Variants in SPTLC2 observed in about 807,000 individuals in gnomAD.
The protein encoded by SPTLC2 is serine palmitoyltransferase long chain base subunit 2.
In SPTLC2, 21 loss-of-function variants were observed where a neutral mutation model predicts 62.0. That is an observed-to-expected ratio of 0.34 (90% CI 0.24 to 0.49). The LOEUF (loss-of-function observed/expected upper bound fraction) is 0.49. SPTLC2 is among the 20% of genes least tolerant of loss of function. The pLI is 0.99. For missense variants in SPTLC2, 511 were observed against 713.0 expected, an observed-to-expected ratio of 0.72 and a Z score of 3.23; for synonymous variants, 261 against 261.8, an observed-to-expected ratio of 1.00 and a Z score of 0.03.
chr14:77,543,488 A>C (rs1307575271), intron 9 of SPTLC2, among the ~76,000 whole-genome samples: 1 of 152,202 alleles, frequency 6.6e-6, no homozygotes, highest in East Asian at 1.9e-4. Flanking sequence ...TTAAGTTAAC[A>C]GTTTTAGAGG....
At chr14:77,568,468 T>C (rs1350592866) in intron 5 of SPTLC2, among the ~76,000 whole-genome samples, 1 of 152,208 alleles carries the variant, frequency 6.6e-6, no homozygotes, top group Non-Finnish European at 1.5e-5. Flanking sequence ...TTTCCAAACA[T>C]TCTATATCAT....
chr14:77,587,696 G>A (rs955612907), intron 2 of SPTLC2, among the ~76,000 whole-genome samples: 5 of 151,780 alleles, frequency 3.3e-5, no homozygotes, highest in Admixed American at 6.6e-5. Context: ...GGTGGAGGTT[G>A]CAGTGAACCG....
intron 4 of SPTLC2, among the ~76,000 whole-genome samples, chr14:77,572,202 G>C (rs1447534319): frequency 6.6e-6 from 1 of 152,200 alleles, no homozygotes; most frequent in Non-Finnish European, 1.5e-5. Flanking sequence ...GTCATTTCTG[G>C]AGTGCCAGTT....
chr14:77,568,792 A>G (rs796097986), intron 5 of SPTLC2, among the ~76,000 whole-genome samples: 2 of 140,434 alleles, frequency 1.4e-5, no homozygotes, highest in East Asian at 4.5e-4. Flanking sequence ...TGGGCAAGAG[A>G]GCGAGACTCT....
chr14:77,552,203 C>T lies in SPTLC2; in HGVS notation c.1196G>A (p.Arg399Gln), dbSNP rs143757018. 41 of 1,613,978 alleles carry T rather than the reference C, an allele frequency of 2.5e-5. No individual in the cohort carries two copies. Among genetic ancestry groups the T allele is most frequent in the Admixed American group, 2.3e-4 (14 of 59,996 alleles). ...GGKKELIDYLRTHSHSAVYAT... is the reference protein window; with the variant it reads ...GGKKELIDYLQTHSHSAVYAT... ...ATACACTGCACTATGAGAATGTGTT[C>T]GCAGGTAGTCTATCAGCTCCTGGGG... Residue 399 changes from arginine (R) to glutamine (Q), a missense_variant, in exon 9 of 12, where the codon CGA becomes CAA. Coordinates refer to ENST00000216484, the MANE Select transcript of SPTLC2 (RefSeq NM_004863.4).
At position 77,564,840 on chromosome 14, in the gene SPTLC2, C is replaced by T. The variant is rs1453723483; in HGVS notation, c.757-2351G>A. On this transcript the variant is annotated intron_variant, in intron 5 of 11. Coordinates refer to ENST00000216484, the MANE Select transcript of SPTLC2 (RefSeq NM_004863.4). Reference sequence around the variant, plus strand: ...CCAAATAATAAAAATATTCACAAACCCACAACGACAGAAATAAATAAGGGA... The same window carrying T: ...CCAAATAATAAAAATATTCACAAACTCACAACGACAGAAATAAATAAGGGA... 2.0e-5 allele frequency among the ~76,000 whole-genome samples: 3 copies of T among 149,168 alleles called. No homozygotes were observed. The South Asian group carries it at 6.4e-4, about 32-fold the overall frequency.
intron 9 of SPTLC2, among the ~76,000 whole-genome samples, chr14:77,525,137 A>G (rs1336173251): frequency 1.7e-5 from 2 of 121,132 alleles, no homozygotes; most frequent in Non-Finnish European, 3.3e-5. Flanking sequence ...TCAATTTTTA[A>G]AAAAAGGAAA....
chr14:77,587,342 T>C (rs547558115), intron 2 of SPTLC2, among the ~76,000 whole-genome samples: 21 of 152,222 alleles, frequency 1.4e-4, no homozygotes, highest in African/African-American at 4.3e-4. Context: ...ACTCTATAAC[T>C]CTATAACTCA....
chr14:77,557,864 C>T (rs1259727432), intron 6 of SPTLC2, among the ~76,000 whole-genome samples: 1 of 152,020 alleles, frequency 6.6e-6, no homozygotes, highest in Non-Finnish European at 1.5e-5. Flanking sequence ...GCTGCTACTG[C>T]CATTAATGAT....
At chr14:77,534,588 T>TATACACACACACAC (rs1555373988) in intron 9 of SPTLC2, among the ~76,000 whole-genome samples, 2,826 of 141,228 alleles carry the variant, frequency 0.02, 118 homozygotes, top group African/African-American at 0.071. Flanking sequence ...CATATTTCAG[T>TATACACACACACAC]ACACACACAC....
chr14:77,530,531 G>A (rs1279832928), intron 9 of SPTLC2, among the ~76,000 whole-genome samples: 2 of 152,036 alleles, frequency 1.3e-5, no homozygotes, highest in East Asian at 1.9e-4. Flanking sequence ...GTTTCACCAC[G>A]TTGGCCAGGC....
At position 77,555,559 on chromosome 14, in the gene SPTLC2, C is replaced by G. The variant is rs1409643234; in HGVS notation, c.957-40G>C. On this transcript the variant is annotated intron_variant, in intron 7 of 11. Transcript: ENST00000216484. ...AAAAATATATATATACACATATACA[C>G]TGAGACTTTTTAAATCAAAATTGGG... is the stretch of plus-strand genomic sequence containing the variant. 3.2e-6 allele frequency: 5 copies of G among 1,581,880 alleles called. No homozygotes were observed. The South Asian group carries it at 5.6e-5, about 18-fold the overall frequency.
chr14:77,560,013 T>C (rs1421699445), intron 6 of SPTLC2, among the ~76,000 whole-genome samples: 1 of 152,074 alleles, frequency 6.6e-6, no homozygotes, highest in Non-Finnish European at 1.5e-5. Context: ...TACAAACACA[T>C]TAGCTTACAA....
Position 77,558,616 on chromosome 14 carries a change from C to A in SPTLC2, c.851-1470G>T, listed in dbSNP as rs970841535. Among the ~76,000 whole-genome samples, 23 of 135,738 alleles carry A rather than the reference C, an allele frequency of 1.7e-4. No individual in the cohort carries two copies. In the Admixed American group the frequency reaches 1.8e-3, roughly 11 times the overall value. The allele number at this position is 135,738 out of a possible 152,430, so 89.0% of individuals were successfully genotyped here. ...AAATTACGTCCTGACTCAAAGCCTCCAGTTTTTTTGTTTTTTTTTTTTTGA... is the reference window on the plus strand; with the variant it reads ...AAATTACGTCCTGACTCAAAGCCTCAAGTTTTTTTGTTTTTTTTTTTTTGA... On this transcript the variant is annotated intron_variant, in intron 6 of 11. Transcript: ENST00000216484.
intron 2 of SPTLC2, among the ~76,000 whole-genome samples, chr14:77,590,166 A>G (rs1220376323): frequency 2.6e-5 from 4 of 152,058 alleles, no homozygotes. Flanking sequence ...TTGTTGAGAC[A>G]GGGTCTTGTT....
At chr14:77,607,342 A>T (rs1345908052) in intron 1 of SPTLC2, among the ~76,000 whole-genome samples, 1 of 152,244 alleles carries the variant, frequency 6.6e-6, no homozygotes, top group East Asian at 1.9e-4. Flanking sequence ...AATTATTTAT[A>T]GGTTGGTGCA....
chr14:77,599,542 A>C (rs2079866114), intron 1 of SPTLC2, among the ~76,000 whole-genome samples: 1 of 152,234 alleles, frequency 6.6e-6, no homozygotes, highest in Non-Finnish European at 1.5e-5. Flanking sequence ...TATGTGACAA[A>C]GGACAGGCAT....
intron 2 of SPTLC2, among the ~76,000 whole-genome samples, 178 bp from the exon 3 acceptor site, chr14:77,579,287 C>T (rs145059833): frequency 6.6e-6 from 1 of 152,128 alleles, no homozygotes; most frequent in Non-Finnish European, 1.5e-5. Flanking sequence ...ATTCAAATAA[C>T]ACACATGGTA....
At chr14:77,514,614 G>A (rs958572686) in intron 11 of SPTLC2, among the ~76,000 whole-genome samples, 1 of 152,150 alleles carries the variant, frequency 6.6e-6, no homozygotes, top group South Asian at 2.1e-4. Flanking sequence ...ATATCCTTGC[G>A]CTTCCCATTT....
Sources: allele counts gnomAD v4.1 joint callset (sites outside exome capture counted in the v4.1 genomes callset), GRCh38; gene constraint gnomAD v4.1.1; transcripts MANE v1.5; gene names NCBI Gene and HGNC (gene_info 2026-07-23, HGNC 2026-07-21).